Variants in ARHGAP8 observed in about 807,000 individuals in gnomAD.
The protein encoded by ARHGAP8 is Rho GTPase activating protein 8, also known as rho GTPase-activating protein 8.
In ARHGAP8, 62 loss-of-function variants were observed where a neutral mutation model predicts 46.1. The observed-to-expected ratio is 1.34, with a 90% confidence interval of 1.10 to 1.66. The LOEUF is 1.66. Ranked by LOEUF, ARHGAP8 falls within the 40% of genes most tolerant of loss-of-function variation. ARHGAP8 has a pLI of 0.00. For missense variants in ARHGAP8, 923 were observed against 568.4 expected (o/e 1.62, Z -6.34); for synonymous variants, 375 against 243.1 (o/e 1.54, Z -5.05).
intron 10 of ARHGAP8, among the ~76,000 whole-genome samples, chr22:44,854,318 C>T (rs1020531076): frequency 2.7e-5 from 4 of 148,064 alleles, no homozygotes; most frequent in African/African-American, 5.0e-5. Context: ...CTCATTACAA[C>T]TTCTGCCTCC....
At chr22:44,764,480 G>T (rs1925397711) in intron 1 of ARHGAP8, among the ~76,000 whole-genome samples, 1 of 152,232 alleles carries the variant, frequency 6.6e-6, no homozygotes, top group Admixed American at 6.5e-5. Flanking sequence ...GCGTGCGACG[G>T]TGGTTCTTCC....
At chr22:44,760,232 T>C (rs1330743412) in intron 1 of ARHGAP8, among the ~76,000 whole-genome samples, 4 of 152,200 alleles carry the variant, frequency 2.6e-5, no homozygotes, top group African/African-American at 4.8e-5. Flanking sequence ...AGTGAGGGTC[T>C]GTATTAACGA....
At position 44,862,067 on chromosome 22, in the gene ARHGAP8, C is replaced by T. The variant is rs575838419; in HGVS notation, c.982-208C>T. Among the ~76,000 whole-genome samples the T allele has an allele frequency of 3.9e-5, 6 of 152,336 alleles. 1 individual carries two copies. The East Asian group carries it at 5.8e-4, about 15-fold the overall frequency. Reference sequence around the variant, plus strand: ...GTCAGAGCCAGAGGGTCCTCCAGGACATGGAGGCCAAGCCTTCCTTTTAGA... The same window carrying T: ...GTCAGAGCCAGAGGGTCCTCCAGGATATGGAGGCCAAGCCTTCCTTTTAGA... On this transcript the variant is annotated intron_variant, in intron 11 of 11. Transcript: ENST00000356099.
intron 1 of ARHGAP8, among the ~76,000 whole-genome samples, chr22:44,778,543 A>G (rs959460743): frequency 1.3e-5 from 2 of 152,220 alleles, no homozygotes; most frequent in African/African-American, 4.8e-5. Context: ...GTAGACACCC[A>G]GTAGCGGGAT....
intron 7 of ARHGAP8, among the ~76,000 whole-genome samples, chr22:44,836,451 G>C (rs765870870): frequency 3.3e-5 from 5 of 151,912 alleles, no homozygotes; most frequent in Non-Finnish European, 7.4e-5. Context: ...TGTGACTCCA[G>C]ACATAATAAT....
chr22:44,858,533 C>CTTTTTTTTTTTTTTTTT (rs10700242), intron 10 of ARHGAP8, among the ~76,000 whole-genome samples: 3 of 89,780 alleles, frequency 3.3e-5, no homozygotes, highest in Non-Finnish European at 6.0e-5. Flanking sequence ...CCATACCCGG[C>CTTTTTTTTTTTTTTTTT]TTTTTTTTTT....
intron 10 of ARHGAP8, among the ~76,000 whole-genome samples, chr22:44,851,468 G>A (rs902729441): frequency 3.9e-5 from 6 of 151,992 alleles, no homozygotes; most frequent in Non-Finnish European, 8.8e-5. Context: ...CTGGAGTGCC[G>A]TGGCATAATC....
intron 7 of ARHGAP8, among the ~76,000 whole-genome samples, chr22:44,831,434 G>A (rs557819894): frequency 1.3e-5 from 2 of 152,242 alleles, no homozygotes; most frequent in African/African-American, 4.8e-5. Flanking sequence ...GGTGGCTCAC[G>A]CCTATAATCC....
chr22:44,823,364 C>T (rs902742850), intron 6 of ARHGAP8, among the ~76,000 whole-genome samples: 1 of 152,084 alleles, frequency 6.6e-6, no homozygotes, highest in Non-Finnish European at 1.5e-5. Flanking sequence ...TTCACAGGGA[C>T]AGTTGGCTAG....
chr22:44,861,764 G>A (rs1401886985), intron 11 of ARHGAP8, among the ~76,000 whole-genome samples: 1 of 152,140 alleles, frequency 6.6e-6, no homozygotes, highest in African/African-American at 2.4e-5. Context: ...CTGTAAGATG[G>A]GGAGTAATGA....
intron 7 of ARHGAP8, among the ~76,000 whole-genome samples, chr22:44,829,309 AG>A (rs1409123414): frequency 6.6e-6 from 1 of 151,022 alleles, no homozygotes; most frequent in Non-Finnish European, 1.5e-5. Flanking sequence ...AAAAAAAAAA[AG>A]AAAAAGAAAA....
intron 7 of ARHGAP8, among the ~76,000 whole-genome samples, chr22:44,835,537 C>G (rs888750403): frequency 6.6e-6 from 1 of 152,178 alleles, no homozygotes; most frequent in African/African-American, 2.4e-5. Flanking sequence ...AGGAGAATCA[C>G]TTGAACCGGG....
At chr22:44,860,446 C>T (rs1262750247) in intron 11 of ARHGAP8, among the ~76,000 whole-genome samples, 2 of 152,024 alleles carry the variant, frequency 1.3e-5, no homozygotes, top group African/African-American at 4.8e-5. Context: ...GTGTGTGTGT[C>T]TAATCTCCCT....
At chr22:44,818,584 C>T (rs918608586) in intron 5 of ARHGAP8, among the ~76,000 whole-genome samples, 2 of 152,348 alleles carry the variant, frequency 1.3e-5, no homozygotes, top group Admixed American at 1.3e-4. Flanking sequence ...AAGAGCCAAC[C>T]CCTCTCTGCC....
chr22:44,844,086 C>G (rs1213126867), intron 7 of ARHGAP8, among the ~76,000 whole-genome samples: 2 of 152,142 alleles, frequency 1.3e-5, no homozygotes, highest in South Asian at 4.1e-4. Context: ...ATTCTCCTGC[C>G]TCAGCCTCCA....
intron 2 of ARHGAP8, among the ~76,000 whole-genome samples, chr22:44,797,599 TGCTGTATTTGGAA>T (rs1342100111): frequency 6.6e-6 from 1 of 152,208 alleles, no homozygotes; most frequent in Non-Finnish European, 1.5e-5. Flanking sequence ...ATGAAGAGGA[TGCTGTATTTGGAA>T]GCTGTGAAAT....
intron 1 of ARHGAP8, among the ~76,000 whole-genome samples, chr22:44,768,509 A>C (rs1925765403): frequency 6.7e-6 from 1 of 148,388 alleles, no homozygotes. Flanking sequence ...GTCTTGCTTC[A>C]TTACCCAGGC....
At chr22:44,808,264 G>T in intron 3 of ARHGAP8, 43 bp from the exon 4 acceptor site, 1 of 1,594,476 alleles carries the variant, frequency 6.3e-7, no homozygotes, top group South Asian at 1.1e-5. Flanking sequence ...TTTCAATAAT[G>T]AGTAGGTGAT....
intron 3 of ARHGAP8, among the ~76,000 whole-genome samples, chr22:44,804,746 T>C (rs1602201244): frequency 6.6e-6 from 1 of 152,104 alleles, no homozygotes; most frequent in Admixed American, 6.5e-5. Flanking sequence ...TGATCGGACA[T>C]AGAAGCACCC....
Sources: gnomAD v4.1 joint callset for allele counts (sites outside exome capture counted in the v4.1 genomes callset) on GRCh38, gnomAD v4.1.1 for gene constraint, MANE v1.5 for transcripts, NCBI Gene and HGNC (gene_info 2026-07-23, HGNC 2026-07-21) for gene names.